RASGRF1: variants seen among roughly 807,000 people sequenced by gnomAD.
RASGRF1 encodes the protein ras-specific guanine nucleotide-releasing factor 1.
A neutral mutation model predicts 138.7 loss-of-function variants in RASGRF1; 40 were observed. That is an observed-to-expected ratio of 0.29 (90% confidence interval 0.22 to 0.38). The LOEUF (loss-of-function observed/expected upper bound fraction) is 0.38, where lower values mean the gene tolerates loss of function less well. Ranked by LOEUF, RASGRF1 falls within the 10% of genes least tolerant of loss-of-function variation. The probability of loss-of-function intolerance (pLI) is 1.00; values close to 1 mark genes in which losing one functional copy is unlikely to be tolerated. For synonymous variants in RASGRF1, 614 were observed against 663.2 expected (o/e 0.93, Z 1.14); for missense variants, 1,108 against 1,650.4 (o/e 0.67, Z 5.69).
intron 8 of RASGRF1, 67 bp downstream of exon 8, chr15:79,031,333 C>G: frequency 7.9e-7 from 1 of 1,272,332 alleles, no homozygotes; most frequent in South Asian, 1.4e-5. Context: ...TCAGCGAACT[C>G]CTGGTGAGGG....
intron 19 of RASGRF1, 193 bp downstream of exon 19, chr15:78,997,903 G>T (rs1049707714): frequency 2.0e-5 from 12 of 590,168 alleles, no homozygotes; most frequent in Non-Finnish European, 3.0e-5. Context: ...AGAGAGGAAA[G>T]AAGGACAAAT....
At chr15:78,984,865 C>T in intron 23 of RASGRF1, 142 bp downstream of exon 23, 2 of 863,924 alleles carry the variant, frequency 2.3e-6, no homozygotes, top group Admixed American at 2.0e-5. Context: ...ATAGGGGAAG[C>T]TATTCTGTTT....
rs1438873316 is a variant in RASGRF1, at chr15:78,961,336, A to C, written c.*808T>G. On this transcript the variant is annotated 3_prime_UTR_variant, in exon 27 of 27. Coordinates refer to ENST00000558480, the MANE Select transcript of RASGRF1 (RefSeq NM_001145648.3). ...GTAGTGACCGTTAGGCAGCTTAAAGAGGAAAAGTGACATTTTTGTGTTCCC... is the reference window on the plus strand; with the variant it reads ...GTAGTGACCGTTAGGCAGCTTAAAGCGGAAAAGTGACATTTTTGTGTTCCC... 1 of 152,226 alleles carries C rather than the reference A, an allele frequency of 6.6e-6. No homozygotes were observed. Among genetic ancestry groups the C allele is most frequent in the East Asian group, 1.9e-4 (1 of 5,202 alleles). The allele number at this position is 152,226 out of a possible 1,614,324, so 9.4% of individuals were successfully genotyped here. A position where few individuals can be genotyped will look rare whatever the true frequency, so the allele number is the denominator to read the frequency against.
intron 5 of RASGRF1, among the ~76,000 whole-genome samples, chr15:79,044,059 G>C (rs2057329107): frequency 6.6e-6 from 1 of 152,204 alleles, no homozygotes; most frequent in Non-Finnish European, 1.5e-5. Context: ...GGGCAGTCAT[G>C]CCTGCTCAGG....
chr15:79,024,143 G>C (rs2057010543), intron 10 of RASGRF1, among the ~76,000 whole-genome samples: 1 of 147,718 alleles, frequency 6.8e-6, no homozygotes, highest in Admixed American at 6.7e-5. Flanking sequence ...ACCACACACA[G>C]ACACACACAC....
intron 3 of RASGRF1, among the ~76,000 whole-genome samples, chr15:79,055,914 CA>C (rs2057504333): frequency 1.3e-5 from 2 of 152,078 alleles, no homozygotes; most frequent in Non-Finnish European, 2.9e-5. Flanking sequence ...TGTGCCAGGC[CA>C]AAAGAAGGAG....
intron 19 of RASGRF1, among the ~76,000 whole-genome samples, chr15:78,997,454 C>T (rs958558775): frequency 3.3e-5 from 5 of 152,078 alleles, no homozygotes; most frequent in South Asian, 2.1e-4. Flanking sequence ...TAGCCAAGGC[C>T]GGGCATAGTG....
intron 20 of RASGRF1, among the ~76,000 whole-genome samples, chr15:78,994,585 G>A (rs1595880470): frequency 6.6e-6 from 1 of 152,312 alleles, no homozygotes; most frequent in East Asian, 1.9e-4. Flanking sequence ...GCTCTGGGGT[G>A]GCTTGTGATG....
chr15:78,977,342 G>C (rs1280534606), intron 24 of RASGRF1, among the ~76,000 whole-genome samples: 7 of 152,194 alleles, frequency 4.6e-5, no homozygotes, highest in Admixed American at 4.6e-4. Flanking sequence ...GGCCCTTGAG[G>C]CTGGGCTGTG....
intron 15 of RASGRF1, 37 bp from the exon 16 acceptor site, chr15:79,001,824 AT>A: frequency 3.2e-6 from 3 of 939,806 alleles, no homozygotes; most frequent in Non-Finnish European, 4.3e-6. Context: ...ACTTTTCTTA[AT>A]TTTAATTTTA....
chr15:79,041,708 G>C (rs970033632), intron 5 of RASGRF1, among the ~76,000 whole-genome samples: 2 of 151,874 alleles, frequency 1.3e-5, no homozygotes, highest in Non-Finnish European at 2.9e-5. Flanking sequence ...ACATACCCAA[G>C]GCCAGTCCAA....
intron 6 of RASGRF1, among the ~76,000 whole-genome samples, chr15:79,033,581 C>CTTTTTTTTTTTTTTTTTTTT (rs71148586): frequency 7.4e-5 from 7 of 93,978 alleles, no homozygotes; most frequent in Non-Finnish European, 9.5e-5. Context: ...TTTTTCTTTT[C>CTTTTTTTTTTTTTTTTTTTT]TTTTTTTTTT....
intron 1 of RASGRF1, among the ~76,000 whole-genome samples, chr15:79,079,290 C>T (rs372204886): frequency 1.3e-5 from 2 of 152,304 alleles, no homozygotes; most frequent in Non-Finnish European, 2.9e-5. Flanking sequence ...CTCATACTTG[C>T]TGAATGAAGG....
intron 17 of RASGRF1, 82 bp from the exon 18 acceptor site, chr15:78,998,907 G>T: frequency 1.7e-6 from 2 of 1,165,804 alleles, no homozygotes; most frequent in Admixed American, 1.8e-5. Context: ...TTTGCCTCTC[G>T]GATCTGGCTG....
Position 79,046,859 on chromosome 15 carries a change from G to A in RASGRF1, c.765C>T (p.Tyr255=), listed in dbSNP as rs774014155. 12 of 1,614,224 alleles carry A rather than the reference G, an allele frequency of 7.4e-6. No individual in the cohort carries two copies. The highest frequency in any genetic ancestry group is 1.6e-4 in the Middle Eastern group (1 of 6,062). Residue 255 remains tyrosine (Y), a synonymous_variant, in exon 5 of 27, where the codon TAC becomes TAT. Coordinates refer to ENST00000558480, the MANE Select transcript of RASGRF1 (RefSeq NM_001145648.3). This position sits in a 1 kb window ranked among gnomAD's most constrained non-coding sequence, Gnocchi z 5.3. ...TGACAAGGATGTGCAGCTGCTGCAC[G>A]TACTCAGCCTCAGCCTCCAGCATGC... The part of the protein sequence containing the change: ...VFSMLEAEAE[Y]VQQLHILVNN...
In RASGRF1 at chr15:79,090,676, C is replaced by G. The variant is rs1403548558; in HGVS notation, c.-178G>C. 1 of 819,114 alleles carries G rather than the reference C, an allele frequency of 1.2e-6. No homozygotes were observed. Among genetic ancestry groups the G allele is most frequent in the East Asian group, 2.7e-5 (1 of 36,734 alleles). The allele number at this position is 819,114 out of a possible 1,614,324, so 50.7% of individuals were successfully genotyped here. ...GGCGCCGAGCCGCGGCTTCTTGAAT[C>G]CAGATATACCATTCCCCGCTGGAAC... On this transcript the variant is annotated 5_prime_UTR_variant, in exon 1 of 27. Transcript: ENST00000558480.
chr15:79,003,735 C>T, intron 15 of RASGRF1, 67 bp downstream of exon 15: 2 of 1,519,798 alleles, frequency 1.3e-6, no homozygotes, highest in East Asian at 2.3e-5. Flanking sequence ...TGAGGCCTTG[C>T]TGGGCCAGGC....
In RASGRF1 at chr15:79,003,815, C is replaced by T. The variant is rs777901901; in HGVS notation, c.2436G>A (p.Ala812=). 6 of 1,599,762 alleles carry T rather than the reference C, an allele frequency of 3.8e-6. No individual in the cohort carries two copies. The highest frequency in any genetic ancestry group is 4.5e-5 in the East Asian group (2 of 44,748). Residue 812 remains alanine (A), a synonymous_variant, in exon 15 of 27, where the codon GCG becomes GCA. Coordinates refer to ENST00000558480, the MANE Select transcript of RASGRF1 (RefSeq NM_001145648.3). The part of the protein sequence containing the change: ...TTPEKPEDPS[A]LSKQSSEVSM... ...ATGGCCACTCACTCTGCTTGCTGAG[C>T]GCTGAAGGGTCTTCGGGCTTCTCAG... is the stretch of plus-strand genomic sequence containing the variant.
At chr15:79,018,889 T>C (rs182790370) in intron 11 of RASGRF1, among the ~76,000 whole-genome samples, 26 of 152,182 alleles carry the variant, frequency 1.7e-4, no homozygotes, top group African/African-American at 6.3e-4. Flanking sequence ...GCCTGGGTTT[T>C]CCTGTGGACC....
Sources: gnomAD v4.1 joint callset for allele counts (sites outside exome capture counted in the v4.1 genomes callset) on GRCh38, gnomAD v4.1.1 for gene constraint, Gnocchi (gnomAD v3.1) non-coding constraint, MANE v1.5 for transcripts, NCBI Gene and HGNC (gene_info 2026-07-23, HGNC 2026-07-21) for gene names.